The following KLHL32 variants were observed in gnomAD, a reference collection of about 807,000 sequenced individuals.
The protein encoded by KLHL32 is kelch like family member 32.
Under a neutral mutation model 64.8 loss-of-function variants are expected in KLHL32, and 35 were observed. The ratio of observed to expected loss-of-function variants is 0.54; its 90% CI spans 0.41 to 0.72. KLHL32 has a LOEUF of 0.72. Among genes scored for constraint, KLHL32 ranks in the 30% least tolerant of loss-of-function variants. The probability of loss-of-function intolerance (pLI) is 0.00; values close to 1 mark genes in which losing one functional copy is unlikely to be tolerated. For synonymous variants in KLHL32, 259 were observed against 281.0 expected (o/e 0.92, Z 0.78); for missense variants, 589 against 768.5 (o/e 0.77, Z 2.76).
chr6:96,923,590 T>A (rs987693337), upstream of KLHL32, among the ~76,000 whole-genome samples: 1 of 152,088 alleles, frequency 6.6e-6, no homozygotes, highest in Non-Finnish European at 1.5e-5. Flanking sequence ...ATCCTGTGGA[T>A]CTAGAAGTAG....
chr6:97,002,547 T>G (rs1431750902), intron 3 of KLHL32, among the ~76,000 whole-genome samples: 2 of 152,028 alleles, frequency 1.3e-5, no homozygotes, highest in East Asian at 3.9e-4. Context: ...GTCATAGGAG[T>G]TTGGTGTACA....
intron 4 of KLHL32, among the ~76,000 whole-genome samples, chr6:97,046,264 A>G (rs931472651): frequency 6.6e-6 from 1 of 152,252 alleles, no homozygotes; most frequent in Admixed American, 6.5e-5. Flanking sequence ...CCCACTTGAA[A>G]GATGACAGGC....
intron 1 of KLHL32, among the ~76,000 whole-genome samples, chr6:96,927,761 G>GAGCT (rs1769342529): frequency 1.3e-5 from 2 of 152,134 alleles, no homozygotes; most frequent in African/African-American, 4.8e-5. Flanking sequence ...CTCTAGTAAG[G>GAGCT]AGCTATGCAG....
chr6:97,048,712 C>A (rs1372207146), intron 4 of KLHL32, among the ~76,000 whole-genome samples: 1 of 152,124 alleles, frequency 6.6e-6, no homozygotes, highest in African/African-American at 2.4e-5. Flanking sequence ...GAGCATCAGG[C>A]CAGGCAGCAG....
chr6:96,954,312 A>ATTTTTTTTT (rs71012579), intron 1 of KLHL32, among the ~76,000 whole-genome samples: 2 of 89,430 alleles, frequency 2.2e-5, no homozygotes, highest in African/African-American at 9.3e-5. Context: ...CTTTCCTTCA[A>ATTTTTTTTT]TTTTTTTTTT....
intron 5 of KLHL32, among the ~76,000 whole-genome samples, chr6:97,080,113 T>C (rs2128173023): frequency 6.6e-6 from 1 of 152,338 alleles, no homozygotes; most frequent in South Asian, 2.1e-4. Context: ...TGGGGTGGAT[T>C]GATTTTTTTG....
At chr6:97,134,882 CA>C (rs1799826983) in intron 10 of KLHL32, among the ~76,000 whole-genome samples, 1 of 152,138 alleles carries the variant, frequency 6.6e-6, no homozygotes, top group Admixed American at 6.5e-5. Flanking sequence ...GTAGTCGCAT[CA>C]TTTGTTTTTT....
the KLHL32 span, among the ~76,000 whole-genome samples, chr6:96,918,931 G>A: frequency 3.9e-5 from 6 of 152,258 alleles, no homozygotes; most frequent in African/African-American, 1.4e-4. Context: ...CCATCTCTCC[G>A]CCTGTGCAGT....
intron 3 of KLHL32, among the ~76,000 whole-genome samples, chr6:97,027,602 C>G (rs1229748535): frequency 6.6e-6 from 1 of 152,184 alleles, no homozygotes; most frequent in Non-Finnish European, 1.5e-5. Context: ...GAAAGATTTT[C>G]CTGAAAGTTC....
Position 97,085,206 on chromosome 6 carries a change from C to T in KLHL32, c.492C>T (p.Ile164=), listed in dbSNP as rs540575368. 1.9e-6 allele frequency: 3 copies of T among 1,613,802 alleles called. No homozygotes were observed. The highest frequency in any genetic ancestry group is 2.7e-5 in the African/African-American group (2 of 74,884). ...TCACTTTGTTGGAGAAGGCAGTGAT[C>T]GATTTCTTAGTGAAACATCTCTCTG... ...FNLTLLEKAV[I]DFLVKHLSEL... The change falls in exon 6 of 11, where the codon ATC becomes ATT. Residue 164 remains isoleucine (I), a synonymous_variant. Transcript: ENST00000369261.
intron 2 of KLHL32, among the ~76,000 whole-genome samples, chr6:96,970,094 A>T (rs1033548217): frequency 6.6e-6 from 1 of 152,154 alleles, no homozygotes; most frequent in Non-Finnish European, 1.5e-5. Flanking sequence ...AATAGCTTTT[A>T]ATCCCATTCA....
intron 4 of KLHL32, among the ~76,000 whole-genome samples, chr6:97,049,062 T>C (rs1464114821): frequency 1.3e-5 from 2 of 152,158 alleles, no homozygotes; most frequent in Non-Finnish European, 2.9e-5. Context: ...GAATATAGCA[T>C]CCCTTCCTTA....
At chr6:96,899,111 A>C in the KLHL32 span, among the ~76,000 whole-genome samples, 1 of 152,228 alleles carries the variant, frequency 6.6e-6, no homozygotes, top group Non-Finnish European at 1.5e-5. Context: ...CACTGCAAGG[A>C]AGACGGCTTC....
At chr6:97,121,837 G>A (rs1232774734) in intron 7 of KLHL32, among the ~76,000 whole-genome samples, 3 of 152,292 alleles carry the variant, frequency 2.0e-5, no homozygotes, top group African/African-American at 2.4e-5. Flanking sequence ...AGAGAAGATG[G>A]TTAAAGCTAC....
At chr6:96,951,169 G>A (rs940179530) in intron 1 of KLHL32, among the ~76,000 whole-genome samples, 1 of 151,990 alleles carries the variant, frequency 6.6e-6, no homozygotes, top group Admixed American at 6.6e-5. Context: ...ACATGGTCTC[G>A]GTTTGATGAT....
upstream of KLHL32, among the ~76,000 whole-genome samples, chr6:96,920,128 C>A (rs150676017): frequency 9.0e-3 from 1,374 of 152,208 alleles, 17 homozygotes; most frequent in African/African-American, 0.03. Flanking sequence ...CTTCCCTGGG[C>A]TGGGATGATG....
intron 5 of KLHL32, among the ~76,000 whole-genome samples, chr6:97,068,980 C>T (rs1337874736): frequency 4.6e-5 from 7 of 152,162 alleles, no homozygotes; most frequent in East Asian, 3.9e-4. Context: ...GAGGCTGGGA[C>T]GCAAGGGCGA....
At chr6:97,078,997 G>A (rs1281299440) in intron 5 of KLHL32, among the ~76,000 whole-genome samples, 1 of 152,186 alleles carries the variant, frequency 6.6e-6, no homozygotes, top group East Asian at 1.9e-4. Context: ...TGGCACACAA[G>A]ACACAGCTCT....
intron 4 of KLHL32, among the ~76,000 whole-genome samples, chr6:97,050,467 G>A (rs190874412): frequency 1.3e-5 from 2 of 152,154 alleles, no homozygotes; most frequent in African/African-American, 4.8e-5. Context: ...GCAGGGGCAA[G>A]GGCTACCCGC....
Sources: allele counts gnomAD v4.1 joint callset (sites outside exome capture counted in the v4.1 genomes callset), GRCh38; gene constraint gnomAD v4.1.1; transcripts MANE v1.5; gene names NCBI Gene and HGNC (gene_info 2026-07-23, HGNC 2026-07-21).